Variants in SLC30A4 observed in about 807,000 individuals in gnomAD.
SLC30A4 encodes solute carrier family 30 member 4.
Under a neutral mutation model 41.7 loss-of-function variants are expected in SLC30A4, and 20 were observed. That is an observed-to-expected ratio of 0.48 (90% confidence interval 0.34 to 0.70). The LOEUF (loss-of-function observed/expected upper bound fraction) is 0.70. Ranked by LOEUF, SLC30A4 falls within the 30% of genes least tolerant of loss-of-function variation. SLC30A4 has a pLI of 0.01. For synonymous variants in SLC30A4, 181 were observed against 195.9 expected (o/e 0.92, Z 0.64); for missense variants, 441 against 529.3 (o/e 0.83, Z 1.64).
chr15:45,512,947 T>C (rs1892343388), intron 2 of SLC30A4, among the ~76,000 whole-genome samples: 1 of 151,540 alleles, frequency 6.6e-6, no homozygotes, highest in African/African-American at 2.4e-5. Context: ...AAGCTTTATA[T>C]AATGGCACCA....
rs1281818622 is a variant in SLC30A4, at chr15:45,503,642, C to CA, written c.538+7495dup. On this transcript the variant is annotated intron_variant, in intron 3 of 7. Transcript: ENST00000261867. ...AAAAAAAAAAGTCATGAACTCAAAACAAAAAAAAACAAACAGGCTGTGCAT... is the reference window on the plus strand; with the variant it reads ...AAAAAAAAAAGTCATGAACTCAAAACAAAAAAAAAACAAACAGGCTGTGCAT... Among the ~76,000 whole-genome samples, 853 of 146,734 alleles carry CA rather than the reference C, an allele frequency of 5.8e-3. 11 individuals carry two copies. The highest frequency in any genetic ancestry group is 0.02 in the African/African-American group (798 of 39,772).
Position 45,482,749 on chromosome 15 carries a change from AT to A in SLC30A4, c.*2413del, listed in dbSNP as rs1227891850. 6.6e-6 allele frequency: 1 copy of A among 152,170 alleles called. No individual in the cohort carries two copies. The highest frequency in any genetic ancestry group is 1.5e-5 in the Non-Finnish European group (1 of 68,018). The allele number at this position is 152,170 out of a possible 1,614,324, so 9.4% of individuals were successfully genotyped here. ...AAATTTCTGAGAAATTCAAGTCATT[AT>A]TTTAAATGACTTCACAATAGGAATC... On this transcript the variant is annotated 3_prime_UTR_variant, in exon 8 of 8. Coordinates refer to ENST00000261867, the MANE Select transcript of SLC30A4 (RefSeq NM_013309.6).
intron 2 of SLC30A4, among the ~76,000 whole-genome samples, chr15:45,520,119 G>T (rs1007364851): frequency 6.6e-6 from 1 of 152,132 alleles, no homozygotes; most frequent in Non-Finnish European, 1.5e-5. Context: ...TATTAAATGA[G>T]TAAATAAATA....
chr15:45,482,273 G>C lies in SLC30A4; in HGVS notation c.*2890C>G, dbSNP rs1891613852. 1 of 151,894 alleles carries C rather than the reference G, an allele frequency of 6.6e-6. No homozygotes were observed. Among genetic ancestry groups the C allele is most frequent in the Non-Finnish European group, 1.5e-5 (1 of 68,072 alleles). The allele number at this position is 151,894 out of a possible 1,614,324, so 9.4% of individuals were successfully genotyped here. A position where few individuals can be genotyped will look rare whatever the true frequency, so the allele number is the denominator to read the frequency against. ...TGTCTACCAAAAATACAAAAAATTA[G>C]CTGGGTGTGGTGGTGCATGCCTGTG... is the stretch of plus-strand genomic sequence containing the variant. On this transcript the variant is annotated 3_prime_UTR_variant, in exon 8 of 8. Coordinates refer to ENST00000261867, the MANE Select transcript of SLC30A4 (RefSeq NM_013309.6).
rs553726662 is a variant in SLC30A4, at chr15:45,492,879, A to G, written c.539-1998T>C. 3.9e-5 allele frequency among the ~76,000 whole-genome samples: 6 copies of G among 152,350 alleles called. No homozygotes were observed. In the East Asian group the frequency reaches 1.2e-3, roughly 29 times the overall value. On this transcript the variant is annotated intron_variant, in intron 3 of 7. Transcript: ENST00000261867. ...GGAGACAGGGATGACCTTGCCCTAT[A>G]TATGCTTTTGTACCATTTGAGTTTT...
At chr15:45,509,094 T>G (rs1230587057) in intron 3 of SLC30A4, among the ~76,000 whole-genome samples, 3 of 152,154 alleles carry the variant, frequency 2.0e-5, no homozygotes, top group African/African-American at 7.2e-5. Flanking sequence ...TGATGATATG[T>G]TTACATCTTA....
intron 3 of SLC30A4, chr15:45,497,282 G>T (rs907781370): frequency 3.9e-5 from 6 of 152,062 alleles, no homozygotes; most frequent in Non-Finnish European, 7.4e-5. Flanking sequence ...GTTGGCCAGG[G>T]TAGTTTCAAA....
chr15:45,518,123 C>A (rs755332225), intron 2 of SLC30A4, among the ~76,000 whole-genome samples: 2 of 152,160 alleles, frequency 1.3e-5, no homozygotes, highest in African/African-American at 2.4e-5. Flanking sequence ...TAATTCCTTT[C>A]GAAGAATTGA....
chr15:45,491,979 A>G (rs1891818594), intron 3 of SLC30A4, among the ~76,000 whole-genome samples: 2 of 152,184 alleles, frequency 1.3e-5, no homozygotes, highest in African/African-American at 4.8e-5. Flanking sequence ...AAATTGGCAA[A>G]CTTTTTTTAA....
At position 45,487,513 on chromosome 15, in the gene SLC30A4, T is replaced by C; in HGVS notation, c.1000+14A>G. On this transcript the variant is annotated intron_variant, in intron 6 of 7. Coordinates refer to ENST00000261867, the MANE Select transcript of SLC30A4 (RefSeq NM_013309.6). ...AAGTAATAAACTCATAATGAGGATATAGTGAGATCTTACCTTCTAGTATTA... is the reference window on the plus strand; with the variant it reads ...AAGTAATAAACTCATAATGAGGATACAGTGAGATCTTACCTTCTAGTATTA... The C allele has an allele frequency of 1.7e-6, 2 of 1,169,448 alleles. No homozygotes were observed. The highest frequency in any genetic ancestry group is 1.3e-6 in the Non-Finnish European group (1 of 777,392). The allele number at this position is 1,169,448 out of a possible 1,614,324, so 72.4% of individuals were successfully genotyped here.
Position 45,484,928 on chromosome 15 carries a change from A to G in SLC30A4, c.*235T>C, listed in dbSNP as rs534631077. 3.6e-5 allele frequency: 18 copies of G among 493,300 alleles called. No individual in the cohort carries two copies. Among genetic ancestry groups the G allele is most frequent in the Admixed American group, 8.0e-5 (2 of 25,136 alleles). The allele number at this position is 493,300 out of a possible 1,614,324, so 30.6% of individuals were successfully genotyped here. A position where few individuals can be genotyped will look rare whatever the true frequency, so the allele number is the denominator to read the frequency against. ...TTCTATGAGGTATCTGTAGAGTCAC[A>G]TCTCATTCTGTAAACAGTGTTTGGG... is the stretch of plus-strand genomic sequence containing the variant. On this transcript the variant is annotated 3_prime_UTR_variant, in exon 8 of 8. Coordinates refer to ENST00000261867, the MANE Select transcript of SLC30A4 (RefSeq NM_013309.6).
chr15:45,505,280 C>G, intron 3 of SLC30A4, among the ~76,000 whole-genome samples: 1 of 143,770 alleles, frequency 7.0e-6, no homozygotes, highest in Non-Finnish European at 1.5e-5. Context: ...AAAAAGGCTA[C>G]AATCAATAGT....
intron 2 of SLC30A4, chr15:45,521,715 C>T (rs1243414866): frequency 1.1e-5 from 5 of 458,946 alleles, no homozygotes; most frequent in Non-Finnish European, 1.9e-5. Flanking sequence ...AAGATAACGT[C>T]CTTAACTTTA....
At chr15:45,500,828 G>A (rs1157688988) in intron 3 of SLC30A4, among the ~76,000 whole-genome samples, 6 of 151,688 alleles carry the variant, frequency 4.0e-5, no homozygotes, top group African/African-American at 4.8e-5. Flanking sequence ...GATTATAGGC[G>A]GCCGCCAACA....
intron 3 of SLC30A4, among the ~76,000 whole-genome samples, chr15:45,504,998 C>A (rs919068123): frequency 4.6e-5 from 7 of 151,776 alleles, no homozygotes; most frequent in African/African-American, 1.7e-4. Flanking sequence ...TGGGAGGCTG[C>A]GGTGGGAGGA....
intron 6 of SLC30A4, 81 bp from the exon 7 acceptor site, chr15:45,486,826 G>C: frequency 1.3e-6 from 1 of 743,646 alleles, no homozygotes; most frequent in Non-Finnish European, 2.1e-6. Context: ...ATTTATCAAA[G>C]AAAACAAATG....
intron 3 of SLC30A4, among the ~76,000 whole-genome samples, chr15:45,501,874 A>T (rs1184788025): frequency 6.6e-6 from 1 of 152,136 alleles, no homozygotes; most frequent in African/African-American, 2.4e-5. Context: ...ATCATCTAGG[A>T]GACAGAGTTT....
At chr15:45,503,230 C>T (rs1188009533) in intron 3 of SLC30A4, among the ~76,000 whole-genome samples, 1 of 151,926 alleles carries the variant, frequency 6.6e-6, no homozygotes, top group African/African-American at 2.4e-5. Flanking sequence ...CACAGTAAAA[C>T]TATTTACCCT....
intron 2 of SLC30A4, among the ~76,000 whole-genome samples, chr15:45,514,248 G>T (rs1043548885): frequency 5.9e-5 from 9 of 151,692 alleles, no homozygotes; most frequent in Non-Finnish European, 1.3e-4. Context: ...GGGTGCTGAG[G>T]TAGAAGAATT....
Sources: gnomAD v4.1 joint callset for allele counts (sites outside exome capture counted in the v4.1 genomes callset) on GRCh38, gnomAD v4.1.1 for gene constraint, MANE v1.5 for transcripts, NCBI Gene and HGNC (gene_info 2026-07-23, HGNC 2026-07-21) for gene names.